The following SCN3A variants were observed in gnomAD, a reference collection of about 807,000 sequenced individuals.
SCN3A encodes the protein sodium channel protein type 3 subunit alpha.
SCN3A carries 60 observed loss-of-function variants against 187.6 expected under a neutral mutation model. The ratio of observed to expected loss-of-function variants is 0.32; its 90% confidence interval spans 0.26 to 0.40. The LOEUF is 0.40. SCN3A is among the 10% of genes least tolerant of loss of function. SCN3A has a pLI of 1.00. For synonymous variants in SCN3A, 788 were observed against 829.2 expected, an observed-to-expected ratio of 0.95 and a Z score of 0.85; for missense variants, 1,601 against 2,428.2, an observed-to-expected ratio of 0.66 and a Z score of 7.16.
chr2:165,099,953 A>C (rs1483443312), intron 22 of SCN3A, among the ~76,000 whole-genome samples: 2 of 152,238 alleles, frequency 1.3e-5, no homozygotes, highest in Non-Finnish European at 2.9e-5. Context: ...TATTGAGAGA[A>C]AGAAACTCCC....
chr2:165,140,687 T>A lies in SCN3A; in HGVS notation c.1983A>T (p.Ser661=). 1 of 1,614,058 alleles carries A rather than the reference T, an allele frequency of 6.2e-7. No individual in the cohort carries two copies. Among genetic ancestry groups the A allele is most frequent in the Non-Finnish European group, 8.5e-7 (1 of 1,179,988 alleles). ...NGVVSLVGGP[S]ALTSPTGQLP... ...GTTGTCCAGTAGGTGACGTTAGAGCTGAAGGTCCACCCACCAAGGAAACCA... is the reference window on the plus strand; with the variant it reads ...GTTGTCCAGTAGGTGACGTTAGAGCAGAAGGTCCACCCACCAAGGAAACCA... The change falls in exon 13 of 28, where the codon TCA becomes TCT. Residue 661 remains serine, a synonymous_variant. Transcript: ENST00000283254. The surrounding 1 kb of genome is among the most constrained non-coding windows in gnomAD (Gnocchi z 4.2).
At chr2:165,102,328 G>C (rs1685646213) in intron 21 of SCN3A, among the ~76,000 whole-genome samples, 1 of 152,140 alleles carries the variant, frequency 6.6e-6, no homozygotes, top group African/African-American at 2.4e-5. Context: ...CTGCGCAATA[G>C]AGTGAGACCT....
In SCN3A at chr2:165,159,571, C is replaced by T. The variant is rs542809945; in HGVS notation, c.1031+2737G>A. On this transcript the variant is annotated intron_variant, in intron 9 of 27. Coordinates refer to ENST00000283254, the MANE Select transcript of SCN3A (RefSeq NM_006922.4). ...AGAAACAGTGTCTCCCTATGCTGCC[C>T]AGGCCAGTCTCAAACTCTTGGGCTC... 2.5e-4 allele frequency among the ~76,000 whole-genome samples: 34 copies of T among 134,518 alleles called. 10 individuals carry two copies. Among genetic ancestry groups the T allele is most frequent in the African/African-American group, 9.8e-4 (32 of 32,714 alleles). 88.2% of individuals were successfully genotyped at this position (134,518 alleles called of 152,430 possible).
chr2:165,164,520 C>T lies in SCN3A; in HGVS notation c.474G>A (p.Glu158=), dbSNP rs1002309681. 1.9e-6 allele frequency: 3 copies of T among 1,613,302 alleles called. No individual in the cohort carries two copies. Among genetic ancestry groups the T allele is most frequent in the Non-Finnish European group, 2.5e-6 (3 of 1,179,620 alleles). The change falls in exon 6 of 28, where the codon GAG becomes GAA. Residue 158 remains glutamate (E), a splice_region_variant and synonymous_variant. Transcript: ENST00000283254. Reference sequence around the variant, plus strand: ...AGGTATAGATTCCAGTGAATGTGTACCTAGGAAAAACATCCAAGCCAAAAT... The same window carrying T: ...AGGTATAGATTCCAGTGAATGTGTATCTAGGAAAAACATCCAAGCCAAAAT... ...SNPPDWTKNV[E]YTFTGIYTFE...
Position 165,097,118 on chromosome 2 carries a change from T to G in SCN3A, c.4239+134A>C, listed in dbSNP as rs763927195. 1.6e-4 allele frequency: 128 copies of G among 822,926 alleles called. 1 individual carries two copies. Among genetic ancestry groups the G allele is most frequent in the Admixed American group, 1.6e-4 (6 of 38,198 alleles). 51.0% of individuals were successfully genotyped at this position (822,926 alleles called of 1,614,324 possible). On this transcript the variant is annotated intron_variant, in intron 23 of 27. Coordinates refer to ENST00000283254, the MANE Select transcript of SCN3A (RefSeq NM_006922.4). ...CATCTTTTTTATGATCAATTCAAGC[T>G]GATATTATAGGTGTTATCATTAACT...
Position 165,168,753 on chromosome 2 carries a change from G to T in SCN3A, c.456C>A (p.Asp152Glu). 6.2e-7 allele frequency: 1 copy of T among 1,610,090 alleles called. No individual in the cohort carries two copies. Residue 152 changes from aspartate (D) to glutamate (E), a missense_variant, in exon 5 of 28, where the codon GAC (aspartate) becomes GAA (glutamate). Physicochemically the swap from Asp to Glu is conservative, Grantham distance 45. Transcript: ENST00000283254. ...CTACTTACTCTACATTCTTTGTCCA[G>T]TCAGGAGGGTTGCTCAAGGTCATAA... is the stretch of plus-strand genomic sequence containing the variant. ...CVFMTLSNPP[D>E]WTKNVEYTFT... is the part of the protein sequence containing the mutation.
chr2:165,175,893 C>G, intron 3 of SCN3A, among the ~76,000 whole-genome samples: 1 of 152,076 alleles, frequency 6.6e-6, no homozygotes, highest in South Asian at 2.1e-4. Flanking sequence ...TCTGAATTAT[C>G]ACTGTGAAAT....
Position 165,100,319 on chromosome 2 carries a change from G to A in SCN3A, c.3949C>T (p.Arg1317Trp). 6.2e-7 allele frequency: 1 copy of A among 1,613,648 alleles called. No individual in the cohort carries two copies. The highest frequency in any genetic ancestry group is 8.5e-7 in the Non-Finnish European group (1 of 1,179,786). The change falls in exon 22 of 28, where the codon CGG becomes TGG. Residue 1317 changes from arginine to tryptophan, a missense_variant. Coordinates refer to ENST00000283254, the MANE Select transcript of SCN3A (RefSeq NM_006922.4). ...RALRPLRALSRFEGMRVVVNA... is the reference protein window; with the variant it reads ...RALRPLRALSWFEGMRVVVNA... ...CTTCTTACCCTCATGCCTTCAAACC[G>A]GGATAAGGCTCTTAGAGGTCTTAAA...
At chr2:165,188,532 G>A (rs142447566) in intron 1 of SCN3A, among the ~76,000 whole-genome samples, 2,270 of 152,298 alleles carry the variant, frequency 0.015, 61 homozygotes, top group African/African-American at 0.05. Context: ...GCTCACGCCT[G>A]TAATCCCAGC....
chr2:165,114,095 T>G, intron 19 of SCN3A, 125 bp from the exon 20 acceptor site: 1 of 601,002 alleles, frequency 1.7e-6, no homozygotes, highest in Non-Finnish European at 2.8e-6. Context: ...TCTCCTTCAT[T>G]TCCTAGTTAT....
At chr2:165,152,050 AT>A (rs1200468003) in intron 11 of SCN3A, among the ~76,000 whole-genome samples, 5 of 152,198 alleles carry the variant, frequency 3.3e-5, no homozygotes, top group African/African-American at 1.2e-4. Flanking sequence ...TGTAAACAAC[AT>A]AACTATGTCC....
chr2:165,202,864 A>G (rs531178892), intron 1 of SCN3A, among the ~76,000 whole-genome samples: 1 of 151,878 alleles, frequency 6.6e-6, no homozygotes, highest in African/African-American at 2.4e-5. Flanking sequence ...GTATTTTAAA[A>G]CCCTGTATGA....
chr2:165,194,136 G>A (rs1021219515), intron 1 of SCN3A, among the ~76,000 whole-genome samples: 2 of 152,104 alleles, frequency 1.3e-5, no homozygotes, highest in Non-Finnish European at 2.9e-5. Flanking sequence ...GAAAACAGAA[G>A]GAGAGATATA....
intron 1 of SCN3A, among the ~76,000 whole-genome samples, chr2:165,198,512 T>G (rs1177499708): frequency 6.6e-6 from 1 of 152,106 alleles, no homozygotes; most frequent in Non-Finnish European, 1.5e-5. Flanking sequence ...ATAAATAATT[T>G]GAAATAGATG....
chr2:165,090,938 C>T lies in SCN3A; in HGVS notation c.5215G>A (p.Gly1739Arg). The change falls in exon 28 of 28, where the codon GGA becomes AGA. Residue 1739 changes from glycine to arginine, a missense_variant. By Grantham distance (125) the Gly-to-Arg change is moderately radical. Coordinates refer to ENST00000283254, the MANE Select transcript of SCN3A (RefSeq NM_006922.4). This position sits in a 1 kb window ranked among gnomAD's most constrained non-coding sequence, Gnocchi z 4.0. ...CCAACAGATGGGTTCCCACAGTCTC[C>T]CTTAACTGAGCTGCCAGGGTGAATT... The part of the protein sequence containing the change: ...DTIHPGSSVK[G>R]DCGNPSVGIF... The T allele has an allele frequency of 1.2e-6, 2 of 1,614,058 alleles. No homozygotes were observed. The highest frequency in any genetic ancestry group is 1.7e-6 in the Non-Finnish European group (2 of 1,180,000).
chr2:165,119,155 C>T (rs2105731150), intron 18 of SCN3A, among the ~76,000 whole-genome samples: 1 of 152,298 alleles, frequency 6.6e-6, no homozygotes, highest in African/African-American at 2.4e-5. Context: ...ATTCATCCAC[C>T]TTGGCCTCCC....
intron 1 of SCN3A, among the ~76,000 whole-genome samples, chr2:165,190,397 A>G (rs948421536): frequency 1.3e-5 from 2 of 151,800 alleles, no homozygotes; most frequent in African/African-American, 4.8e-5. Context: ...CTAAGTGTAC[A>G]TTTTGAAAGA....
chr2:165,146,789 T>C lies in SCN3A; in HGVS notation c.1621A>G (p.Met541Val), dbSNP rs779086601. The C allele has an allele frequency of 6.2e-7, 1 of 1,614,024 alleles. No individual in the cohort carries two copies. Among genetic ancestry groups the C allele is most frequent in the Non-Finnish European group, 8.5e-7 (1 of 1,179,934 alleles). ...SVKRSSFLFS[M>V]DGNRLTSDKK... ...TCACTGGTCAGTCTGTTTCCATCCA[T>C]GGAGAAAAGGAAGCTGCTTCTTTTG... Residue 541 changes from methionine (M) to valine (V), a missense_variant, in exon 12 of 28, where the codon ATG (methionine) becomes GTG (valine). By Grantham distance (21) the Met-to-Val change is conservative. This residue lies in a region of SCN3A where 376 missense variants were observed against 476.0 expected (regional missense o/e 0.79). Coordinates refer to ENST00000283254, the MANE Select transcript of SCN3A (RefSeq NM_006922.4).
intron 11 of SCN3A, among the ~76,000 whole-genome samples, chr2:165,147,290 G>T (rs530262290): frequency 3.6e-5 from 5 of 138,672 alleles, no homozygotes; most frequent in South Asian, 2.5e-4. Flanking sequence ...TTTTGGGGGG[G>T]GGGGGTTGGT....
Sources: allele counts gnomAD v4.1 joint callset (sites outside exome capture counted in the v4.1 genomes callset), GRCh38; gene constraint gnomAD v4.1.1; regional missense constraint gnomAD v4.1.1; non-coding constraint Gnocchi (gnomAD v3.1); transcripts MANE v1.5; gene names NCBI Gene and HGNC (gene_info 2026-07-23, HGNC 2026-07-21).